Variants in RAVER1 observed in about 807,000 individuals in gnomAD.
RAVER1 encodes ribonucleoprotein PTB-binding 1.
Under a neutral mutation model 68.4 loss-of-function variants are expected in RAVER1, and 36 were observed. That is an observed-to-expected ratio of 0.53 (90% CI 0.40 to 0.70). RAVER1 has a LOEUF of 0.70. Among genes scored for constraint, RAVER1 ranks in the 30% least tolerant of loss-of-function variants. RAVER1 has a pLI of 0.00. For missense variants in RAVER1, 933 were observed against 1,019.8 expected (o/e 0.91, Z 1.16); for synonymous variants, 469 against 472.7 (o/e 0.99, Z 0.10).
Position 10,318,380 on chromosome 19 carries a change from A to G in RAVER1, c.1846-8T>C, listed in dbSNP as rs772729407. 7.5e-6 allele frequency: 12 copies of G among 1,590,832 alleles called. No homozygotes were observed. Among genetic ancestry groups the G allele is most frequent in the Admixed American group, 5.5e-5 (3 of 54,576 alleles). On this transcript the variant is annotated splice_region_variant and splice_polypyrimidine_tract_variant and intron_variant, in intron 10 of 12. Transcript: ENST00000617231. ...ACTGGGCGGGGGGGACATCTGTAGA[A>G]GAAGGGCCGGTGGAGTGAAGCAGAC... is the stretch of plus-strand genomic sequence containing the variant.
In RAVER1 at chr19:10,330,416, G is replaced by A. The variant is rs1261538374; in HGVS notation, c.286+44C>T. 3 of 916,914 alleles carry A rather than the reference G, an allele frequency of 3.3e-6. No homozygotes were observed. In the Admixed American group the frequency reaches 5.9e-5, roughly 18 times the overall value. 56.8% of individuals were successfully genotyped at this position (916,914 alleles called of 1,614,324 possible). A position where few individuals can be genotyped will look rare whatever the true frequency, so the allele number is the denominator to read the frequency against. ...GTGAGCCAGGCCCTCCCATCTTCAG[G>A]GATGGTCACTCCCTGCCCTGGCCCG... On this transcript the variant is annotated intron_variant, in intron 2 of 12. Coordinates refer to ENST00000617231, the MANE Select transcript of RAVER1 (RefSeq NM_133452.3).
In RAVER1 at chr19:10,321,144, C is replaced by T. The variant is rs1368301710; in HGVS notation, c.1377G>A (p.Ala459=). Residue 459 remains alanine (A), a synonymous_variant, in exon 8 of 13, where the codon GCG becomes GCA. Coordinates refer to ENST00000617231, the MANE Select transcript of RAVER1 (RefSeq NM_133452.3). ...GGGCGGGGGGAGGAGTGAGCTGGGC[C>T]GCTGGGGGACCCAAGCCCAGGGCCT... ...DREALGLGPP[A]AQLTPPPAPV... is the part of the protein sequence containing the mutation. 8.6e-6 allele frequency: 11 copies of T among 1,286,178 alleles called. No individual in the cohort carries two copies. The Admixed American group carries it at 2.9e-4, about 34-fold the overall frequency. The allele number at this position is 1,286,178 out of a possible 1,614,324, so 79.7% of individuals were successfully genotyped here.
At position 10,328,804 on chromosome 19, in the gene RAVER1, C is replaced by T. The variant is rs1427068662; in HGVS notation, c.594G>A (p.Leu198=). The T allele has an allele frequency of 7.4e-6, 12 of 1,612,638 alleles. No individual in the cohort carries two copies. Among genetic ancestry groups the T allele is most frequent in the Non-Finnish European group, 6.8e-6 (8 of 1,179,826 alleles). Residue 198 remains leucine (L), a synonymous_variant, in exon 3 of 13, where the codon CTG becomes CTA. Coordinates refer to ENST00000617231, the MANE Select transcript of RAVER1 (RefSeq NM_133452.3). The surrounding 1 kb of genome is among the most constrained non-coding windows in gnomAD (Gnocchi z 4.4). Reference sequence around the variant, plus strand: ...AGTGCACGTAGAGGGTGCGTGGTCCCAGCGGCTTGCCCAGCAGGTCCGACT... The same window carrying T: ...AGTGCACGTAGAGGGTGCGTGGTCCTAGCGGCTTGCCCAGCAGGTCCGACT... ...RAKSDLLGKP[L]GPRTLYVHWT...
chr19:10,332,546 T>A (rs955515202), intron 1 of RAVER1, among the ~76,000 whole-genome samples: 1 of 152,200 alleles, frequency 6.6e-6, no homozygotes, highest in African/African-American at 2.4e-5. Flanking sequence ...GAGCAGGGAA[T>A]CTCAGCAGCA....
At chr19:10,332,003 C>CT (rs956930062) in intron 1 of RAVER1, among the ~76,000 whole-genome samples, 2 of 151,794 alleles carry the variant, frequency 1.3e-5, no homozygotes, top group Admixed American at 6.6e-5. Flanking sequence ...ATTTATTTTT[C>CT]TTTTTTTTAG....
rs2040434633 is a variant in RAVER1 at position 10,321,179 on chromosome 19, C to T, written c.1342G>A (p.Gly448Ser). ...LLPSVLGPAGGDREALGLGPP... is the reference protein window; with the variant it reads ...LLPSVLGPAGSDREALGLGPP... ...CCCAAGCCCAGGGCCTCCCGGTCAC[C>T]CCCAGCAGGGCCAAGCACGGATGGC... is the stretch of plus-strand genomic sequence containing the variant. Residue 448 changes from glycine to serine, a missense_variant, in exon 8 of 13, where the codon GGT (glycine) becomes AGT (serine). Physicochemically the swap from Gly to Ser is moderately conservative, Grantham distance 56 (BLOSUM62 0). Transcript: ENST00000617231. 1.6e-6 allele frequency: 2 copies of T among 1,289,410 alleles called. No individual in the cohort carries two copies. The highest frequency in any genetic ancestry group is 3.1e-5 in the African/African-American group (2 of 64,556). The allele number at this position is 1,289,410 out of a possible 1,614,324, so 79.9% of individuals were successfully genotyped here.
intron 2 of RAVER1, 41 bp downstream of exon 2, chr19:10,330,419 T>C: frequency 1.1e-6 from 1 of 942,010 alleles, no homozygotes; most frequent in Non-Finnish European, 1.7e-6. Context: ...TCTTCAGGGA[T>C]GGTCACTCCC....
chr19:10,328,491 G>T lies in RAVER1; in HGVS notation c.756+151C>A. 1 of 614,656 alleles carries T rather than the reference G, an allele frequency of 1.6e-6. No individual in the cohort carries two copies. Among genetic ancestry groups the T allele is most frequent in the Non-Finnish European group, 2.8e-6 (1 of 351,592 alleles). The allele number at this position is 614,656 out of a possible 1,614,324, so 38.1% of individuals were successfully genotyped here. A position where few individuals can be genotyped will look rare whatever the true frequency, so the allele number is the denominator to read the frequency against. Reference sequence around the variant, plus strand: ...TGCTTGAACCAAAGAGGCGGAGGTTGCAGTGAACTGAGATTGTATCACTGC... The same window carrying T: ...TGCTTGAACCAAAGAGGCGGAGGTTTCAGTGAACTGAGATTGTATCACTGC... On this transcript the variant is annotated intron_variant, in intron 3 of 12. Coordinates refer to ENST00000617231, the MANE Select transcript of RAVER1 (RefSeq NM_133452.3). This position sits in a 1 kb window ranked among gnomAD's most constrained non-coding sequence, Gnocchi z 4.4.
In RAVER1 at chr19:10,329,921, G is replaced by A. The variant is rs2040501222; in HGVS notation, c.286+539C>T. Among the ~76,000 whole-genome samples, 1 of 151,908 alleles carries A rather than the reference G, an allele frequency of 6.6e-6. No individual in the cohort carries two copies. The highest frequency in any genetic ancestry group is 2.1e-4 in the South Asian group (1 of 4,812). On this transcript the variant is annotated intron_variant, in intron 2 of 12. Coordinates refer to ENST00000617231, the MANE Select transcript of RAVER1 (RefSeq NM_133452.3). The surrounding 1 kb of genome is among the most constrained non-coding windows in gnomAD (Gnocchi z 4.6). ...ACACTGAGCCCCACCTCCTCACCTG[G>A]TTAACCTGGACCCACCCAGGTAGAA...
chr19:10,320,696 C>CG lies in RAVER1; in HGVS notation c.1728dup (p.Glu577ArgfsTer6). 1 of 1,539,962 alleles carries CG rather than the reference C, an allele frequency of 6.5e-7. No homozygotes were observed. The highest frequency in any genetic ancestry group is 8.7e-7 in the Non-Finnish European group (1 of 1,151,628). On this transcript the variant is annotated frameshift_variant, in exon 9 of 13. Transcript: ENST00000617231. LOFTEE classifies it high-confidence loss of function. ...CTGTAGCTGTCAGACAGTCCTGGTT[C>CG]GGGGGGCAGGCGGGCGCTGCTGAGG... is the stretch of plus-strand genomic sequence containing the variant.
rs574460557 is a variant in RAVER1 at position 10,322,117 on chromosome 19, G to A, written c.1174-499C>T. ...GAGTCTGTCTTGTGTCTATATGTGT[G>A]TCTGTGTCTATGTGTGTGTCTTTGT... On this transcript the variant is annotated intron_variant, in intron 6 of 12. Transcript: ENST00000617231. This position sits in a 1 kb window ranked among gnomAD's most constrained non-coding sequence, Gnocchi z 4.3. 1 of 164,772 alleles carries A rather than the reference G, an allele frequency of 6.1e-6. No homozygotes were observed. Among genetic ancestry groups the A allele is most frequent in the South Asian group, 1.7e-4 (1 of 5,874 alleles). 10.2% of individuals were successfully genotyped at this position (164,772 alleles called of 1,614,324 possible).
chr19:10,333,310 G>A lies in RAVER1; in HGVS notation c.198C>T (p.Leu66=). 2 of 1,613,772 alleles carry A rather than the reference G, an allele frequency of 1.2e-6. No homozygotes were observed. The highest frequency in any genetic ancestry group is 1.7e-6 in the Non-Finnish European group (2 of 1,179,738). ...RNRRKILIRG[L]PGDVTNQEVH... ...ATACCTGGTTGGTCACGTCCCCCGGGAGGCCCCGGATCAGTATCTTGCGGC... is the reference window on the plus strand; with the variant it reads ...ATACCTGGTTGGTCACGTCCCCCGGAAGGCCCCGGATCAGTATCTTGCGGC... Residue 66 remains leucine (L), a synonymous_variant, in exon 1 of 13, where the codon CTC becomes CTT. Transcript: ENST00000617231. The surrounding 1 kb of genome is among the most constrained non-coding windows in gnomAD (Gnocchi z 4.2).
Position 10,316,956 on chromosome 19 carries a change from GAC to G in RAVER1, c.*496_*497del. 1.2e-5 allele frequency: 2 copies of G among 170,976 alleles called. No homozygotes were observed. Among genetic ancestry groups the G allele is most frequent in the Non-Finnish European group, 2.5e-5 (2 of 80,598 alleles). The allele number at this position is 170,976 out of a possible 1,614,324, so 10.6% of individuals were successfully genotyped here. A position where few individuals can be genotyped will look rare whatever the true frequency, so the allele number is the denominator to read the frequency against. Reference sequence around the variant, plus strand: ...CCGCAAGGTGTGGAATGGTGGCCCGGACAGGCCGGGCCTTGAAGGAATCAGAG... The same window carrying G: ...CCGCAAGGTGTGGAATGGTGGCCCGGAGGCCGGGCCTTGAAGGAATCAGAG... On this transcript the variant is annotated 3_prime_UTR_variant, in exon 13 of 13. Coordinates refer to ENST00000617231, the MANE Select transcript of RAVER1 (RefSeq NM_133452.3).
In RAVER1 at chr19:10,323,244, C is replaced by T. The variant is rs1338714962; in HGVS notation, c.979G>A (p.Glu327Lys). The part of the protein sequence containing the change: ...ALNRGKGLLP[E>K]PNILQLLNNL... ...TTGAGCAGCTGCAGGATGTTGGGCT[C>T]GGGGAGGAGTCCCTTCCCCCGATTG... The change falls in exon 5 of 13, where the codon GAG (glutamate) becomes AAG (lysine). Residue 327 changes from glutamate (E) to lysine (K), a missense_variant. Glu to Lys is a moderately conservative substitution (Grantham distance 56). Coordinates refer to ENST00000617231, the MANE Select transcript of RAVER1 (RefSeq NM_133452.3). This position sits in a 1 kb window ranked among gnomAD's most constrained non-coding sequence, Gnocchi z 6.2. The T allele has an allele frequency of 5.6e-6, 9 of 1,613,300 alleles. No homozygotes were observed. The highest frequency in any genetic ancestry group is 2.2e-5 in the East Asian group (1 of 44,880).
chr19:10,329,534 CAG>C lies in RAVER1; in HGVS notation c.287-425_287-424del, dbSNP rs2040499018. ...TTAATCATCACAATCACCATTTTGCCAGAGAGGAAACGGGCCCAGAGCAGCAC... is the reference window on the plus strand; with the variant it reads ...TTAATCATCACAATCACCATTTTGCCAGAGGAAACGGGCCCAGAGCAGCAC... On this transcript the variant is annotated intron_variant, in intron 2 of 12. Coordinates refer to ENST00000617231, the MANE Select transcript of RAVER1 (RefSeq NM_133452.3). This position sits in a 1 kb window ranked among gnomAD's most constrained non-coding sequence, Gnocchi z 4.6. Among the ~76,000 whole-genome samples the C allele has an allele frequency of 6.6e-6, 1 of 152,104 alleles. No homozygotes were observed. Among genetic ancestry groups the C allele is most frequent in the African/African-American group, 2.4e-5 (1 of 41,426 alleles).
intron 9 of RAVER1, 47 bp downstream of exon 9, chr19:10,320,608 A>G (rs1228961126): frequency 1.3e-5 from 20 of 1,487,130 alleles, no homozygotes; most frequent in Non-Finnish European, 1.7e-5. Context: ...ATCAGTTTGG[A>G]GAATGATTTG....
chr19:10,329,395 C>G lies in RAVER1; in HGVS notation c.287-284G>C, dbSNP rs889777621. ...TGTCCTAAGAACGCTGTGGGTCACT[C>G]GGGTGATACCAAGGGCAGTGGTTAA... On this transcript the variant is annotated intron_variant, in intron 2 of 12. Transcript: ENST00000617231. The surrounding 1 kb of genome is among the most constrained non-coding windows in gnomAD (Gnocchi z 4.6). 6.6e-6 allele frequency among the ~76,000 whole-genome samples: 1 copy of G among 152,252 alleles called. No individual in the cohort carries two copies. The highest frequency in any genetic ancestry group is 2.4e-5 in the African/African-American group (1 of 41,466).
In RAVER1 at chr19:10,328,822, G is replaced by A; in HGVS notation, c.576C>T (p.Asp192=). 1 of 1,612,860 alleles carries A rather than the reference G, an allele frequency of 6.2e-7. No homozygotes were observed. Among genetic ancestry groups the A allele is most frequent in the African/African-American group, 1.3e-5 (1 of 75,058 alleles). ...KKDSAARAKS[D]LLGKPLGPRT... is the part of the protein sequence containing the mutation. Reference sequence around the variant, plus strand: ...GTGGTCCCAGCGGCTTGCCCAGCAGGTCCGACTTGGCACGGGCAGCCGAGT... The same window carrying A: ...GTGGTCCCAGCGGCTTGCCCAGCAGATCCGACTTGGCACGGGCAGCCGAGT... Residue 192 remains aspartate, a synonymous_variant, in exon 3 of 13, where the codon GAC becomes GAT. Coordinates refer to ENST00000617231, the MANE Select transcript of RAVER1 (RefSeq NM_133452.3). The surrounding 1 kb of genome is among the most constrained non-coding windows in gnomAD (Gnocchi z 4.4).
At chr19:10,318,144 C>T in intron 11 of RAVER1, 85 bp downstream of exon 11, 1 of 1,270,550 alleles carries the variant, frequency 7.9e-7, no homozygotes, top group Non-Finnish European at 1.1e-6. Flanking sequence ...GGCCTGGGCA[C>T]CGAGGGTTAC....
Sources: allele counts gnomAD v4.1 joint callset (sites outside exome capture counted in the v4.1 genomes callset), GRCh38; gene constraint gnomAD v4.1.1; non-coding constraint Gnocchi (gnomAD v3.1); transcripts MANE v1.5; gene names NCBI Gene and HGNC (gene_info 2026-07-23, HGNC 2026-07-21).